The following SPRED2 variants were observed in gnomAD, a reference collection of about 807,000 sequenced individuals.
SPRED2 encodes the protein sprouty related EVH1 domain containing 2, also known as sprouty-related, EVH1 domain-containing protein 2.
A neutral mutation model predicts 43.0 loss-of-function variants in SPRED2; 47 were observed. The observed-to-expected ratio is 1.09, with a 90% CI of 0.87 to 1.40. SPRED2 has a LOEUF of 1.40. Among genes scored for constraint, SPRED2 ranks in the 40% most tolerant of loss-of-function variants. The pLI is 0.00. For missense variants in SPRED2, 561 were observed against 586.4 expected, an observed-to-expected ratio of 0.96 and a Z score of 0.45; for synonymous variants, 225 against 225.7, an observed-to-expected ratio of 1.00 and a Z score of 0.03.
At chr2:65,310,201 T>G, downstream of SPRED2, among the ~76,000 whole-genome samples, 1 of 152,224 alleles carries the variant, frequency 6.6e-6, no homozygotes, top group African/African-American at 2.4e-5. Flanking sequence ...GAGTTAAAAC[T>G]GAAACGTTAA....
At chr2:65,342,349 A>G (rs543449350) in intron 2 of SPRED2, among the ~76,000 whole-genome samples, 141 of 146,608 alleles carry the variant, frequency 9.6e-4, no homozygotes, top group Non-Finnish European at 1.6e-3. Flanking sequence ...TTATGTATGT[A>G]TATTTTGTAT....
At chr2:65,394,992 A>G (rs1283130328) in intron 1 of SPRED2, among the ~76,000 whole-genome samples, 1 of 152,158 alleles carries the variant, frequency 6.6e-6, no homozygotes, top group African/African-American at 2.4e-5. Context: ...TGATTCTAGT[A>G]GCAAGGGTAC....
intron 5 of SPRED2, among the ~76,000 whole-genome samples, chr2:65,315,107 T>C (rs940769339): frequency 6.8e-6 from 1 of 146,058 alleles, no homozygotes; most frequent in Non-Finnish European, 1.5e-5. Flanking sequence ...ATTAATTACA[T>C]GCATATAACC....
chr2:65,324,494 A>T (rs1673544575), intron 4 of SPRED2, among the ~76,000 whole-genome samples: 1 of 152,172 alleles, frequency 6.6e-6, no homozygotes, highest in African/African-American at 2.4e-5. Flanking sequence ...CCTCAGGTTA[A>T]ACCTGAGCCA....
intron 1 of SPRED2, chr2:65,377,889 ACT>A (rs757590118): frequency 1.4e-4 from 47 of 343,492 alleles, no homozygotes; most frequent in East Asian, 1.5e-4. Flanking sequence ...GCTGACTCAT[ACT>A]CTCTTTCCAC....
At chr2:65,427,411 A>C (rs909272874) in intron 1 of SPRED2, among the ~76,000 whole-genome samples, 2 of 152,154 alleles carry the variant, frequency 1.3e-5, no homozygotes, top group Non-Finnish European at 2.9e-5. Context: ...TTTAACATTT[A>C]AGGGTTCTAC....
chr2:65,327,276 C>T (rs1673650847), intron 4 of SPRED2, among the ~76,000 whole-genome samples: 1 of 152,110 alleles, frequency 6.6e-6, no homozygotes, highest in Non-Finnish European at 1.5e-5. Flanking sequence ...TTCAAGTAAC[C>T]TTGAATAAAT....
intron 3 of SPRED2, among the ~76,000 whole-genome samples, chr2:65,333,235 C>T (rs1356419240): frequency 1.4e-5 from 2 of 145,662 alleles, no homozygotes; most frequent in Non-Finnish European, 3.0e-5. Context: ...CACTGCACTC[C>T]AGCCTGGGCT....
chr2:65,383,090 C>T (rs984935620), intron 1 of SPRED2, among the ~76,000 whole-genome samples: 1 of 152,228 alleles, frequency 6.6e-6, no homozygotes, highest in Non-Finnish European at 1.5e-5. Flanking sequence ...TACAAGAAGG[C>T]TTACGTTTTA....
At chr2:65,365,976 C>G (rs921177125) in intron 1 of SPRED2, among the ~76,000 whole-genome samples, 2 of 151,926 alleles carry the variant, frequency 1.3e-5, no homozygotes, top group Non-Finnish European at 2.9e-5. Flanking sequence ...ACCCTTTCTC[C>G]CACCTAGAAA....
At chr2:65,316,246 C>A (rs1242226894) in intron 5 of SPRED2, among the ~76,000 whole-genome samples, 1 of 152,220 alleles carries the variant, frequency 6.6e-6, no homozygotes, top group African/African-American at 2.4e-5. Context: ...CTGAGCAAGA[C>A]TGGGCCTGTA....
intron 1 of SPRED2, among the ~76,000 whole-genome samples, chr2:65,372,723 G>A (rs575877006): frequency 1.1e-4 from 16 of 152,274 alleles, no homozygotes; most frequent in African/African-American, 3.6e-4. Context: ...TGAACAATGA[G>A]GTCTGAGCTT....
chr2:65,312,887 T>G lies in SPRED2; in HGVS notation c.*614A>C, dbSNP rs1673108457. The stretch of plus-strand genomic sequence containing the variant: ...CTAAAGATAGAAACTGCAGCTTACA[T>G]GGGAAATTTGGCTTTAGAAAAGTTA... On this transcript the variant is annotated 3_prime_UTR_variant, in exon 6 of 6. Coordinates refer to ENST00000356388, the MANE Select transcript of SPRED2 (RefSeq NM_181784.3). 2.0e-6 allele frequency: 2 copies of G among 985,696 alleles called. No homozygotes were observed. Among genetic ancestry groups the G allele is most frequent in the South Asian group, 4.7e-5 (1 of 21,288 alleles). The allele number at this position is 985,696 out of a possible 1,614,324, so 61.1% of individuals were successfully genotyped here. A position where few individuals can be genotyped will look rare whatever the true frequency, so the allele number is the denominator to read the frequency against.
intron 2 of SPRED2, among the ~76,000 whole-genome samples, chr2:65,341,628 ATAG>A (rs909023299): frequency 1.7e-4 from 26 of 152,284 alleles, no homozygotes; most frequent in African/African-American, 6.0e-4. Context: ...CAATGTGGAA[ATAG>A]TAGTATCTTC....
At chr2:65,358,577 A>G (rs776798372) in intron 1 of SPRED2, among the ~76,000 whole-genome samples, 18 of 152,276 alleles carry the variant, frequency 1.2e-4, no homozygotes, top group Non-Finnish European at 2.1e-4. Context: ...GCTTAAAAAT[A>G]GGGAAAGACA....
At chr2:65,360,068 A>AAAAAAAAAAC (rs1674760669) in intron 1 of SPRED2, among the ~76,000 whole-genome samples, 1 of 125,934 alleles carries the variant, frequency 7.9e-6, no homozygotes, top group African/African-American at 2.8e-5. Flanking sequence ...CCATCTCAAA[A>AAAAAAAAAAC]AAAAAAAAAA....
chr2:65,327,788 G>C (rs550528205), intron 4 of SPRED2, among the ~76,000 whole-genome samples: 1 of 135,024 alleles, frequency 7.4e-6, no homozygotes, highest in African/African-American at 2.8e-5. Flanking sequence ...CAATGGTGCG[G>C]TCTCGGCTCA....
chr2:65,375,587 G>C (rs747051237), intron 1 of SPRED2, among the ~76,000 whole-genome samples: 1 of 152,186 alleles, frequency 6.6e-6, no homozygotes, highest in Non-Finnish European at 1.5e-5. Flanking sequence ...AAACAGTAGG[G>C]GGAATGGACA....
chr2:65,394,427 C>G (rs1675707049), intron 1 of SPRED2, among the ~76,000 whole-genome samples: 1 of 152,148 alleles, frequency 6.6e-6, no homozygotes, highest in South Asian at 2.1e-4. Flanking sequence ...GCTTAATGGA[C>G]CTTCCATTTA....
Sources: gnomAD v4.1 joint callset for allele counts (sites outside exome capture counted in the v4.1 genomes callset) on GRCh38, gnomAD v4.1.1 for gene constraint, MANE v1.5 for transcripts, NCBI Gene and HGNC (gene_info 2026-07-23, HGNC 2026-07-21) for gene names.